The following STK35 variants were observed in gnomAD, a reference collection of about 807,000 sequenced individuals.
STK35 encodes serine/threonine kinase 35.
A neutral mutation model predicts 37.3 loss-of-function variants in STK35; 17 were observed. The observed-to-expected ratio is 0.46, with a 90% CI of 0.31 to 0.68. The LOEUF (loss-of-function observed/expected upper bound fraction) is 0.68, where lower values mean the gene tolerates loss of function less well. STK35 is among the 30% of genes least tolerant of loss of function. The pLI is 0.05. For missense variants in STK35, 595 were observed against 746.7 expected (o/e 0.80, Z 2.37); for synonymous variants, 385 against 319.1 (o/e 1.21, Z -2.20).
intron 1 of STK35, among the ~76,000 whole-genome samples, chr20:2,102,474 G>C (rs764201904): frequency 5.9e-5 from 9 of 152,236 alleles, no homozygotes; most frequent in Non-Finnish European, 8.8e-5. Context: ...GCGTCTCTAA[G>C]CGGTTTTCAG....
At chr20:2,103,733 C>G (rs1030730422) in intron 2 of STK35, among the ~76,000 whole-genome samples, 3 of 152,130 alleles carry the variant, frequency 2.0e-5, no homozygotes, top group Non-Finnish European at 2.9e-5. Context: ...AGCCTCCTCA[C>G]CCCCGAGGGC....
At chr20:2,115,893 C>T (rs1443168545) in intron 2 of STK35, among the ~76,000 whole-genome samples, 1 of 152,090 alleles carries the variant, frequency 6.6e-6, no homozygotes, top group African/African-American at 2.4e-5. Flanking sequence ...CTGGCCACTC[C>T]TGCCCCCCCC....
intron 3 of STK35, among the ~76,000 whole-genome samples, chr20:2,136,888 G>C (rs1986095594): frequency 6.6e-6 from 1 of 152,236 alleles, no homozygotes; most frequent in Non-Finnish European, 1.5e-5. Flanking sequence ...TTCCCATAGA[G>C]ACTGGGCCCT....
At chr20:2,133,403 C>T (rs1986032286) in intron 3 of STK35, among the ~76,000 whole-genome samples, 1 of 152,178 alleles carries the variant, frequency 6.6e-6, no homozygotes, top group Non-Finnish European at 1.5e-5. Context: ...TATTTTCTGC[C>T]CCACACTTAA....
chr20:2,130,573 T>G (rs1985982505), intron 3 of STK35, among the ~76,000 whole-genome samples: 1 of 152,190 alleles, frequency 6.6e-6, no homozygotes, highest in African/African-American at 2.4e-5. Flanking sequence ...AGTGTGGGCA[T>G]CTCGCTCTCT....
At chr20:2,113,360 T>C (rs1341507216) in intron 2 of STK35, among the ~76,000 whole-genome samples, 1 of 152,158 alleles carries the variant, frequency 6.6e-6, no homozygotes, top group African/African-American at 2.4e-5. Context: ...AAAATAAAAA[T>C]ATGAAACTAG....
intron 3 of STK35, among the ~76,000 whole-genome samples, chr20:2,118,957 C>T (rs1034023974): frequency 2.0e-5 from 3 of 152,154 alleles, no homozygotes; most frequent in African/African-American, 7.2e-5. Context: ...ACACAACAAT[C>T]GCCTAATGAC....
rs1201141184 is a variant in STK35 at position 2,117,072 on chromosome 20, C to T, written c.1299C>T (p.Ala433=). The T allele has an allele frequency of 1.2e-6, 2 of 1,614,078 alleles. No homozygotes were observed. Among genetic ancestry groups the T allele is most frequent in the Non-Finnish European group, 1.7e-6 (2 of 1,179,946 alleles). The change falls in exon 3 of 4, where the codon GCC becomes GCT. Residue 433 remains alanine, a synonymous_variant. Coordinates refer to ENST00000381482, the MANE Select transcript of STK35 (RefSeq NM_080836.4). The surrounding 1 kb of genome is among the most constrained non-coding windows in gnomAD (Gnocchi z 4.4). ...APEVWEGHYT[A]KADIFALGII... is the part of the protein sequence containing the mutation. ...AAGTCTGGGAGGGACACTACACAGC[C>T]AAGGCGGACATCTTTGCCCTGGGCA...
In STK35 at chr20:2,126,444, A is replaced by G. The variant is rs116449723; in HGVS notation, c.*37+9029A>G. 8.6e-3 allele frequency among the ~76,000 whole-genome samples: 1,317 copies of G among 152,282 alleles called. 21 individuals carry two copies. Among genetic ancestry groups the G allele is most frequent in the African/African-American group, 0.03 (1,229 of 41,550 alleles). ...ACCTTGTAAGCCAGGTGGGATGCGCAGGAGCCACATCTCAGGGTACATACT... is the reference window on the plus strand; with the variant it reads ...ACCTTGTAAGCCAGGTGGGATGCGCGGGAGCCACATCTCAGGGTACATACT... On this transcript the variant is annotated intron_variant, in intron 3 of 3. Coordinates refer to ENST00000381482, the MANE Select transcript of STK35 (RefSeq NM_080836.4).
At chr20:2,128,815 G>A (rs972417871) in intron 3 of STK35, among the ~76,000 whole-genome samples, 8 of 152,100 alleles carry the variant, frequency 5.3e-5, no homozygotes, top group Non-Finnish European at 1.2e-4. Flanking sequence ...CGAGGTACAG[G>A]TGGAACTTAG....
At chr20:2,130,799 G>C (rs541253522) in intron 3 of STK35, among the ~76,000 whole-genome samples, 1 of 152,256 alleles carries the variant, frequency 6.6e-6, no homozygotes, top group African/African-American at 2.4e-5. Flanking sequence ...GGAGCTGAGG[G>C]GCGGCCCTCC....
chr20:2,135,559 C>T lies in STK35; in HGVS notation c.*38-8225C>T, dbSNP rs137893471. Reference sequence around the variant, plus strand: ...ACAAATGGTTGGGTCTAGAAAGAGGCTTTGTGCATTTTAAGATCTTGGGCA... The same window carrying T: ...ACAAATGGTTGGGTCTAGAAAGAGGTTTTGTGCATTTTAAGATCTTGGGCA... On this transcript the variant is annotated intron_variant, in intron 3 of 3. Transcript: ENST00000381482. Among the ~76,000 whole-genome samples, 55 of 152,296 alleles carry T rather than the reference C, an allele frequency of 3.6e-4. No individual in the cohort carries two copies. In the East Asian group the frequency reaches 0.011, roughly 29 times the overall value.
intron 3 of STK35, among the ~76,000 whole-genome samples, chr20:2,142,828 A>G (rs1364429036): frequency 6.6e-6 from 1 of 152,198 alleles, no homozygotes; most frequent in East Asian, 1.9e-4. Context: ...CGCCCTGCCC[A>G]GGACAGCGCT....
At position 2,103,376 on chromosome 20, in the gene STK35, C is replaced by G. The variant is rs369074164; in HGVS notation, c.892+11C>G. 10 of 1,604,090 alleles carry G rather than the reference C, an allele frequency of 6.2e-6. No individual in the cohort carries two copies. The highest frequency in any genetic ancestry group is 2.2e-5 in the East Asian group (1 of 44,548). On this transcript the variant is annotated intron_variant, in intron 2 of 3. Coordinates refer to ENST00000381482, the MANE Select transcript of STK35 (RefSeq NM_080836.4). ...AGACCTCGCTGAAAGGTAGGAGCAC[C>G]GCGGGCCTTTCCACCCACGCAGGGC... is the stretch of plus-strand genomic sequence containing the variant.
chr20:2,126,831 G>A (rs1464328244), intron 3 of STK35, among the ~76,000 whole-genome samples: 1 of 152,168 alleles, frequency 6.6e-6, no homozygotes, highest in East Asian at 1.9e-4. Context: ...GGTGCCAGGG[G>A]AAAGCTATAA....
chr20:2,109,043 CT>C (rs1231972724), intron 2 of STK35, among the ~76,000 whole-genome samples: 1 of 152,236 alleles, frequency 6.6e-6, no homozygotes, highest in Non-Finnish European at 1.5e-5. Context: ...ATTTCACCCT[CT>C]TATCGACCAC....
chr20:2,125,296 T>C (rs556972658), intron 3 of STK35, among the ~76,000 whole-genome samples: 1 of 152,214 alleles, frequency 6.6e-6, no homozygotes, highest in Non-Finnish European at 1.5e-5. Context: ...ACCCCTTGAC[T>C]TGTGCAGGGC....
chr20:2,108,578 G>T (rs2122543286), intron 2 of STK35, among the ~76,000 whole-genome samples: 1 of 152,326 alleles, frequency 6.6e-6, no homozygotes, highest in African/African-American at 2.4e-5. Context: ...TTGTGGCACT[G>T]CTGATTTCTG....
chr20:2,137,829 TG>T (rs1214324396), intron 3 of STK35, among the ~76,000 whole-genome samples: 1 of 145,424 alleles, frequency 6.9e-6, no homozygotes, highest in African/African-American at 2.8e-5. Context: ...GATGTCTGAA[TG>T]TGAAAAGCCA....
Sources: gnomAD v4.1 joint callset for allele counts (sites outside exome capture counted in the v4.1 genomes callset) on GRCh38, gnomAD v4.1.1 for gene constraint, Gnocchi (gnomAD v3.1) non-coding constraint, MANE v1.5 for transcripts, NCBI Gene and HGNC (gene_info 2026-07-23, HGNC 2026-07-21) for gene names.